Variants in SLC60A2 observed in about 807,000 individuals in gnomAD.
The protein encoded by SLC60A2 is major facilitator superfamily domain containing 4B.
At chr6:111,273,727 TA>T in the SLC60A2 span, among the ~76,000 whole-genome samples, 25 of 151,968 alleles carry the variant, frequency 1.6e-4, no homozygotes, top group Non-Finnish European at 3.4e-4. Flanking sequence ...TGTGCCCATT[TA>T]TTTTTTTAGT....
chr6:111,262,992 C>T, the SLC60A2 span, among the ~76,000 whole-genome samples: 1 of 151,976 alleles, frequency 6.6e-6, no homozygotes, highest in Admixed American at 6.6e-5. Context: ...GGCTGGAGTG[C>T]AGTGATGCGA....
At chr6:111,272,943 G>A in the SLC60A2 span, among the ~76,000 whole-genome samples, 1 of 147,376 alleles carries the variant, frequency 6.8e-6, no homozygotes. Context: ...CGATTCTCCT[G>A]CCTCAGCCTC....
chr6:111,279,108 T>C, the SLC60A2 span, among the ~76,000 whole-genome samples: 1 of 152,190 alleles, frequency 6.6e-6, no homozygotes, highest in Non-Finnish European at 1.5e-5. Flanking sequence ...TCCCCCGTAA[T>C]TGTAATGTGC....
At chr6:111,259,876 T>C in the SLC60A2 span, 24 of 565,032 alleles carry the variant, frequency 4.2e-5, 1 homozygote, top group South Asian at 5.9e-4. Flanking sequence ...TTGGAGGAAA[T>C]AGATTTTCTG....
At chr6:111,279,366 A>G in the SLC60A2 span, among the ~76,000 whole-genome samples, 1 of 150,902 alleles carries the variant, frequency 6.6e-6, no homozygotes, top group African/African-American at 2.4e-5. Context: ...GGTTCACGCC[A>G]TTCTCCTGAG....
chr6:111,267,044 G>C, the SLC60A2 span: 1 of 1,614,166 alleles, frequency 6.2e-7, no homozygotes, highest in Admixed American at 1.7e-5. Context: ...TGGTGTTTGA[G>C]TCTTCTCCTT....
chr6:111,262,180 T>C, the SLC60A2 span: 3 of 1,192,198 alleles, frequency 2.5e-6, no homozygotes, highest in Admixed American at 2.2e-5. Context: ...TTTTTTTTTA[T>C]AGTGGAAGAA....
chr6:111,277,485 G>A, the SLC60A2 span, among the ~76,000 whole-genome samples: 1 of 152,160 alleles, frequency 6.6e-6, no homozygotes, highest in Admixed American at 6.5e-5. Flanking sequence ...ATGCATTTCA[G>A]TTATCTAACA....
the SLC60A2 span, among the ~76,000 whole-genome samples, chr6:111,272,236 C>G: frequency 6.6e-6 from 1 of 152,008 alleles, no homozygotes; most frequent in Non-Finnish European, 1.5e-5. Context: ...CTCCTGACCT[C>G]AAGTGATCCA....
At chr6:111,263,043 T>C in the SLC60A2 span, among the ~76,000 whole-genome samples, 1 of 152,184 alleles carries the variant, frequency 6.6e-6, no homozygotes, top group South Asian at 2.1e-4. Context: ...GCTCAAGCGA[T>C]CCTCCCATCT....
the SLC60A2 span, chr6:111,265,956 G>T: frequency 6.2e-7 from 1 of 1,614,076 alleles, no homozygotes; most frequent in South Asian, 1.1e-5. Context: ...TTTTGCCTTG[G>T]GTGCCTTTTT....
chr6:111,261,553 G>C, the SLC60A2 span, among the ~76,000 whole-genome samples: 1 of 151,922 alleles, frequency 6.6e-6, no homozygotes, highest in South Asian at 2.1e-4. Context: ...CAGATTGCTG[G>C]GATTACAGGT....
chr6:111,261,235 T>C, the SLC60A2 span, among the ~76,000 whole-genome samples: 1 of 152,232 alleles, frequency 6.6e-6, no homozygotes, highest in Non-Finnish European at 1.5e-5. Flanking sequence ...ATGTTTTATA[T>C]GTATAGTTCA....
the SLC60A2 span, chr6:111,262,225 T>C: frequency 6.3e-7 from 1 of 1,578,398 alleles, no homozygotes; most frequent in Non-Finnish European, 8.7e-7. Context: ...TTAATGATTA[T>C]AAGTAAAAAC....
the SLC60A2 span, chr6:111,271,167 CAAAAAAAAAAAAAA>C: frequency 2.7e-5 from 2 of 73,582 alleles, no homozygotes; most frequent in African/African-American, 5.5e-5. Context: ...GACTCCATCT[CAAAAAAAAAAAAAA>C]AAAAAAAAAA....
the SLC60A2 span, among the ~76,000 whole-genome samples, chr6:111,271,944 GGTTACAAA>G: frequency 6.6e-6 from 1 of 152,064 alleles, no homozygotes; most frequent in South Asian, 2.1e-4. Context: ...CTTCAGCCTG[GGTTACAAA>G]GTGAGACTGT....
At chr6:111,276,713 A>G in the SLC60A2 span, among the ~76,000 whole-genome samples, 1 of 151,832 alleles carries the variant, frequency 6.6e-6, no homozygotes, top group African/African-American at 2.4e-5. Flanking sequence ...TCATTCGTTT[A>G]CAGAGATCCC....
At chr6:111,278,240 G>A in the SLC60A2 span, 1 of 152,198 alleles carries the variant, frequency 6.6e-6, no homozygotes, top group Non-Finnish European at 1.5e-5. Context: ...AACAGTAACT[G>A]CCTCATGTAA....
At chr6:111,276,097 G>A in the SLC60A2 span, among the ~76,000 whole-genome samples, 6 of 152,180 alleles carry the variant, frequency 3.9e-5, no homozygotes, top group African/African-American at 1.4e-4. Context: ...GTTGTAGCAT[G>A]TGTTAGAATT....
Sources: allele counts gnomAD v4.1 joint callset (sites outside exome capture counted in the v4.1 genomes callset), GRCh38; gene constraint gnomAD v4.1.1; transcripts MANE v1.5; gene names NCBI Gene and HGNC (gene_info 2026-07-23, HGNC 2026-07-21).